HTR3D: variants seen among roughly 807,000 people sequenced by gnomAD.
The protein encoded by HTR3D is 5-hydroxytryptamine receptor 3D, also known as 5-hydroxytryptamine (serotonin) receptor 3 family member D.
A neutral mutation model predicts 45.8 loss-of-function variants in HTR3D; 47 were observed. The ratio of observed to expected loss-of-function variants is 1.03; its 90% CI spans 0.81 to 1.31. The LOEUF (loss-of-function observed/expected upper bound fraction) is 1.31, where lower values mean the gene tolerates loss of function less well. Among genes scored for constraint, HTR3D ranks in the 50% most tolerant of loss-of-function variants. The pLI is 0.00. For synonymous variants in HTR3D, 203 were observed against 199.8 expected, an observed-to-expected ratio of 1.02 and a Z score of -0.13; for missense variants, 448 against 506.9, an observed-to-expected ratio of 0.88 and a Z score of 1.12.
intron 1 of HTR3D, among the ~76,000 whole-genome samples, chr3:184,032,242 C>A (rs979027338): frequency 6.6e-6 from 1 of 152,206 alleles, no homozygotes; most frequent in Non-Finnish European, 1.5e-5. Flanking sequence ...GATCTGCCCG[C>A]GTGGGCCTCC....
At chr3:184,032,989 T>C in intron 1 of HTR3D, 2 of 1,552,028 alleles carry the variant, frequency 1.3e-6, no homozygotes, top group Non-Finnish European at 1.7e-6. Flanking sequence ...GAAAGGCTAT[T>C]GGTCCAGTCA....
chr3:184,036,971 G>T (rs752864670), intron 5 of HTR3D, 75 bp downstream of exon 5: 8 of 1,399,588 alleles, frequency 5.7e-6, no homozygotes, highest in Non-Finnish European at 7.7e-6. Context: ...CAGGTGATCC[G>T]CCCGCCTCGG....
chr3:184,032,747 A>G (rs1244834055), intron 1 of HTR3D: 2 of 993,910 alleles, frequency 2.0e-6, no homozygotes, highest in African/African-American at 3.2e-5. Context: ...AGTTTCCACC[A>G]TTTGCCTACC....
At position 184,039,070 on chromosome 3, in the gene HTR3D, A is replaced by G. The variant is rs1723007680; in HGVS notation, c.*95A>G. The G allele has an allele frequency of 3.1e-6, 3 of 953,198 alleles. No homozygotes were observed. The highest frequency in any genetic ancestry group is 3.1e-5 in the South Asian group (2 of 64,512). 59.0% of individuals were successfully genotyped at this position (953,198 alleles called of 1,614,324 possible). ...CTCAGTCAGCCTTGTGGCCCTGTCA[A>G]CCGCCTCATTTTTAACCCAGTCCTC... On this transcript the variant is annotated 3_prime_UTR_variant, in exon 8 of 8. Transcript: ENST00000428798.
In HTR3D at chr3:184,036,906, G is replaced by GGGGCCAAGACAA; in HGVS notation, c.516+13_516+24dup. On this transcript the variant is annotated intron_variant, in intron 5 of 7. Coordinates refer to ENST00000428798, the MANE Select transcript of HTR3D (RefSeq NM_001145143.1). ...ACAAGCCATCTTCCATGTGAGCTCA[G>GGGGCCAAGACAA]GGGCCAAGACAAGGTTTCACCATGT... is the stretch of plus-strand genomic sequence containing the variant. 6.4e-7 allele frequency: 1 copy of GGGGCCAAGACAA among 1,550,872 alleles called. No homozygotes were observed. The highest frequency in any genetic ancestry group is 8.7e-7 in the Non-Finnish European group (1 of 1,146,492).
chr3:184,036,024 G>C lies in HTR3D; in HGVS notation c.121G>C (p.Asp41His). 6.4e-7 allele frequency: 1 copy of C among 1,551,618 alleles called. No individual in the cohort carries two copies. The highest frequency in any genetic ancestry group is 8.7e-7 in the Non-Finnish European group (1 of 1,146,966). Residue 41 changes from aspartate (D) to histidine (H), a missense_variant, in exon 3 of 8, where the codon GAT becomes CAT. Transcript: ENST00000428798. ...SFLWLNMWNP[D>H]ECGGIKKSGM... ...CAATCAATTTGTGCAGTGGAACCCA[G>C]ATGAATGCGGAGGCATCAAGAAGTC... is the stretch of plus-strand genomic sequence containing the variant.
At chr3:184,037,472 C>G (rs1040357208) in intron 5 of HTR3D, among the ~76,000 whole-genome samples, 1 of 152,054 alleles carries the variant, frequency 6.6e-6, no homozygotes, top group Admixed American at 6.6e-5. Context: ...GAGGGTGAGC[C>G]CCGCCTTCCC....
Position 184,033,055 on chromosome 3 carries a change from G to C in HTR3D, c.66+1248G>C. The C allele has an allele frequency of 1.9e-6, 3 of 1,550,576 alleles. No homozygotes were observed. The South Asian group carries it at 3.6e-5, about 18-fold the overall frequency. On this transcript the variant is annotated intron_variant, in intron 1 of 7. Transcript: ENST00000428798. ...TCTCCTTCACCTTGTCTGCCATCTG[G>C]AAGTTGTAAGTCCTCACCCAACATT...
intron 1 of HTR3D, chr3:184,033,043 G>T: frequency 6.4e-7 from 1 of 1,551,308 alleles, no homozygotes; most frequent in Non-Finnish European, 8.7e-7. Flanking sequence ...CCTTCACCTT[G>T]TCTGCCATCT....
At chr3:184,032,734 ATC>A in intron 1 of HTR3D, 1 of 860,702 alleles carries the variant, frequency 1.2e-6, no homozygotes, top group East Asian at 2.7e-5. Flanking sequence ...AGCTCACCTC[ATC>A]AGTTTCCACC....
rs78713792 is a variant in HTR3D, at chr3:184,032,716, C to T, written c.66+909C>T. On this transcript the variant is annotated intron_variant, in intron 1 of 7. Coordinates refer to ENST00000428798, the MANE Select transcript of HTR3D (RefSeq NM_001145143.1). ...AAAACAATGGCACTGAGGATGGATC[C>T]TTGACTCAGCTCACCTCATCAGTTT... is the stretch of plus-strand genomic sequence containing the variant. The T allele has an allele frequency of 1.1e-3, 823 of 763,838 alleles. 2 individuals carry two copies. In the African/African-American group the frequency reaches 0.013, roughly 12 times the overall value. The allele number at this position is 763,838 out of a possible 1,614,324, so 47.3% of individuals were successfully genotyped here.
At chr3:184,035,088 G>A in intron 1 of HTR3D, 90 bp from the exon 2 acceptor site, 1 of 1,540,322 alleles carries the variant, frequency 6.5e-7, no homozygotes. Context: ...ATTGCCACAT[G>A]GACCAGCCTT....
At chr3:184,034,200 G>C (rs1441130261) in intron 1 of HTR3D, among the ~76,000 whole-genome samples, 1 of 151,684 alleles carries the variant, frequency 6.6e-6, no homozygotes, top group Non-Finnish European at 1.5e-5. Context: ...AGCAGTCTAA[G>C]TGTCTATTGA....
intron 5 of HTR3D, among the ~76,000 whole-genome samples, chr3:184,037,525 A>T (rs1174634285): frequency 6.6e-6 from 1 of 152,134 alleles, no homozygotes; most frequent in Non-Finnish European, 1.5e-5. Context: ...ATTTTTGTTT[A>T]TTTTTAAAAA....
chr3:184,036,044 G>A lies in HTR3D; in HGVS notation c.141G>A (p.Lys47=). ...MWNPDECGGI[K]KSGMATENLW... ...ACCCAGATGAATGCGGAGGCATCAA[G>A]AAGTCCGGCATGGCAACTGAGAACC... is the stretch of plus-strand genomic sequence containing the variant. The change falls in exon 3 of 8, where the codon AAG becomes AAA. Residue 47 remains lysine, a synonymous_variant. Transcript: ENST00000428798. 1 of 1,551,638 alleles carries A rather than the reference G, an allele frequency of 6.4e-7. No individual in the cohort carries two copies. Among genetic ancestry groups the A allele is most frequent in the Non-Finnish European group, 8.7e-7 (1 of 1,146,978 alleles).
At chr3:184,032,351 A>G (rs922264648) in intron 1 of HTR3D, among the ~76,000 whole-genome samples, 17 of 152,248 alleles carry the variant, frequency 1.1e-4, no homozygotes, top group African/African-American at 4.1e-4. Flanking sequence ...GAACAATCAC[A>G]GCACATAGTA....
At chr3:184,033,052 C>T in intron 1 of HTR3D, 1 of 1,551,150 alleles carries the variant, frequency 6.4e-7, no homozygotes, top group Non-Finnish European at 8.7e-7. Context: ...TGTCTGCCAT[C>T]TGGAAGTTGT....
rs755563164 is a variant in HTR3D at position 184,036,454 on chromosome 3, T to C, written c.277T>C (p.Trp93Arg). ...ATSNTISQCG[W>R]SASANWTPSI... is the part of the protein sequence containing the mutation. ...ATCAAACACAATAAGCCAATGTGGG[T>C]GGTCAGCATCTGCAAACTGGACACC... The change falls in exon 4 of 8, where the codon TGG becomes CGG. Residue 93 changes from tryptophan (W) to arginine (R), a missense_variant. Transcript: ENST00000428798. 3 of 1,614,070 alleles carry C rather than the reference T, an allele frequency of 1.9e-6. No individual in the cohort carries two copies. The highest frequency in any genetic ancestry group is 4.5e-5 in the East Asian group (2 of 44,900).
intron 5 of HTR3D, 63 bp downstream of exon 5, chr3:184,036,959 T>C (rs1722919222): frequency 2.7e-6 from 4 of 1,493,704 alleles, no homozygotes; most frequent in Non-Finnish European, 3.6e-6. Flanking sequence ...AACTCCTGGC[T>C]TCAGGTGATC....
Sources: allele counts gnomAD v4.1 joint callset (sites outside exome capture counted in the v4.1 genomes callset), GRCh38; gene constraint gnomAD v4.1.1; transcripts MANE v1.5; gene names NCBI Gene and HGNC (gene_info 2026-07-23, HGNC 2026-07-21).